PPP1R42: variants seen among roughly 807,000 people sequenced by gnomAD.
The protein encoded by PPP1R42 is protein phosphatase 1 regulatory subunit 42, also known as leucine rich repeat containing 67.
A neutral mutation model predicts 31.0 loss-of-function variants in PPP1R42; 34 were observed. The observed-to-expected ratio is 1.10, with a 90% CI of 0.83 to 1.46. The LOEUF is 1.46. PPP1R42 is among the 40% of genes most tolerant of loss of function. The probability of loss-of-function intolerance (pLI) is 0.00; values close to 1 mark genes in which losing one functional copy is unlikely to be tolerated. For missense variants in PPP1R42, 268 were observed against 303.0 expected (o/e 0.88, Z 0.86); for synonymous variants, 103 against 109.8 (o/e 0.94, Z 0.39).
At chr8:67,000,311 C>T (rs1406067001) in intron 5 of PPP1R42, among the ~76,000 whole-genome samples, 1 of 151,984 alleles carries the variant, frequency 6.6e-6, no homozygotes, top group East Asian at 1.9e-4. Flanking sequence ...CTACTATAAG[C>T]ATTCAAAGCT....
chr8:66,996,371 A>G (rs902893963), intron 5 of PPP1R42, among the ~76,000 whole-genome samples: 7 of 152,200 alleles, frequency 4.6e-5, no homozygotes, highest in African/African-American at 1.7e-4. Flanking sequence ...TGACTATATT[A>G]TTAAGCTCAA....
At chr8:66,978,642 T>A (rs918550938) in intron 7 of PPP1R42, among the ~76,000 whole-genome samples, 9 of 152,144 alleles carry the variant, frequency 5.9e-5, no homozygotes, top group Non-Finnish European at 1.3e-4. Context: ...GTTCCTGAAC[T>A]CCTGACTTCA....
At chr8:67,008,218 T>TC (rs1815743164) in intron 5 of PPP1R42, among the ~76,000 whole-genome samples, 1 of 152,180 alleles carries the variant, frequency 6.6e-6, no homozygotes, top group African/African-American at 2.4e-5. Flanking sequence ...TTAAACTTTA[T>TC]CATAGATATG....
chr8:67,000,839 T>C (rs1279687131), intron 5 of PPP1R42, among the ~76,000 whole-genome samples: 1 of 152,240 alleles, frequency 6.6e-6, no homozygotes, highest in East Asian at 1.9e-4. Context: ...GTTATACCTA[T>C]CTTTTATATC....
At chr8:67,023,039 G>A (rs1816271899) in intron 1 of PPP1R42, among the ~76,000 whole-genome samples, 1 of 147,662 alleles carries the variant, frequency 6.8e-6, no homozygotes, top group Admixed American at 6.7e-5. Flanking sequence ...CATTTTGGTA[G>A]TGCTAATTTA....
intron 7 of PPP1R42, among the ~76,000 whole-genome samples, chr8:66,976,459 G>A (rs1265996109): frequency 6.6e-6 from 1 of 152,180 alleles, no homozygotes; most frequent in South Asian, 2.1e-4. Flanking sequence ...GTTGGGGACA[G>A]CTGCTATAGA....
chr8:67,016,999 A>G (rs1465305839), intron 2 of PPP1R42, among the ~76,000 whole-genome samples: 1 of 152,174 alleles, frequency 6.6e-6, no homozygotes, highest in African/African-American at 2.4e-5. Context: ...TTATTTCCCA[A>G]CATACACTTT....
rs759678003 is a variant in PPP1R42 at position 67,013,012 on chromosome 8, C to A, written c.381G>T (p.Arg127Ser). 2.5e-6 allele frequency: 4 copies of A among 1,612,298 alleles called. No homozygotes were observed. Among genetic ancestry groups the A allele is most frequent in the Non-Finnish European group, 3.4e-6 (4 of 1,179,258 alleles). The change falls in exon 4 of 8, where the codon AGG becomes AGT. Residue 127 changes from arginine to serine, a missense_variant. Arg to Ser is a moderately radical substitution (Grantham distance 110). Transcript: ENST00000685739. ...ELRELHVENQ[R>S]LPLGEKLLFD... ...ACAGAAGCTTTTCCCCAAGGGGAAG[C>A]CTCTGATTCTCAACATGAAGCTCTC...
intron 6 of PPP1R42, chr8:66,985,440 G>A (rs922650629): frequency 1.2e-6 from 1 of 809,246 alleles, no homozygotes; most frequent in Non-Finnish European, 2.1e-6. Context: ...CATCTACAAT[G>A]CACCCTTGCT....
At chr8:66,985,466 G>A (rs985426444) in intron 6 of PPP1R42, 3 of 913,878 alleles carry the variant, frequency 3.3e-6, no homozygotes, top group South Asian at 2.8e-5. Context: ...AGGATCAGTG[G>A]TGTAGGTTTA....
chr8:67,024,848 T>C (rs563014096), intron 1 of PPP1R42, among the ~76,000 whole-genome samples: 2 of 152,188 alleles, frequency 1.3e-5, no homozygotes, highest in South Asian at 2.1e-4. Context: ...AATGTTAAAT[T>C]TTTTTGCATT....
At chr8:66,966,416 C>T (rs886919860) in intron 7 of PPP1R42, among the ~76,000 whole-genome samples, 1 of 152,200 alleles carries the variant, frequency 6.6e-6, no homozygotes, top group Non-Finnish European at 1.5e-5. Flanking sequence ...TCTGATTGTA[C>T]CTCTTCAAGC....
chr8:67,003,097 C>T (rs1462230442), intron 5 of PPP1R42, among the ~76,000 whole-genome samples: 2 of 140,618 alleles, frequency 1.4e-5, no homozygotes, highest in South Asian at 2.2e-4. Context: ...ACCCCGGAGG[C>T]GGAGGTTGCA....
At chr8:66,964,584 C>T (rs1292114874) in intron 7 of PPP1R42, among the ~76,000 whole-genome samples, 3 of 151,950 alleles carry the variant, frequency 2.0e-5, no homozygotes, top group South Asian at 4.1e-4. Flanking sequence ...GGAAGGTGGA[C>T]CAGGTCTAAG....
At chr8:67,006,636 G>A (rs1052371799) in intron 5 of PPP1R42, among the ~76,000 whole-genome samples, 5 of 143,612 alleles carry the variant, frequency 3.5e-5, no homozygotes, top group South Asian at 2.3e-4. Context: ...CCCAAAGTGC[G>A]GTGATTACAG....
At chr8:67,025,751 T>A (rs1816374678) in intron 1 of PPP1R42, among the ~76,000 whole-genome samples, 1 of 151,846 alleles carries the variant, frequency 6.6e-6, no homozygotes, top group Admixed American at 6.6e-5. Context: ...ATGCCTGTAA[T>A]CCCAGCACTT....
chr8:66,965,719 G>A (rs1449289675), intron 7 of PPP1R42, among the ~76,000 whole-genome samples: 1 of 152,132 alleles, frequency 6.6e-6, no homozygotes, highest in Non-Finnish European at 1.5e-5. Context: ...ATAAGAGTTT[G>A]AGACCAGCCT....
At position 66,983,211 on chromosome 8, in the gene PPP1R42, A is replaced by G. The variant is rs369333718; in HGVS notation, c.671-1031T>C. On this transcript the variant is annotated intron_variant, in intron 6 of 7. Coordinates refer to ENST00000685739, the MANE Select transcript of PPP1R42 (RefSeq NM_001364910.1). Reference sequence around the variant, plus strand: ...TTCTTAGCATGTTTTTATTTTCTATATATGTATATAAAATTGGAATCCTCT... The same window carrying G: ...TTCTTAGCATGTTTTTATTTTCTATGTATGTATATAAAATTGGAATCCTCT... Among the ~76,000 whole-genome samples the G allele has an allele frequency of 2.1e-4, 32 of 152,266 alleles. No individual in the cohort carries two copies. The East Asian group carries it at 4.6e-3, about 22-fold the overall frequency.
At chr8:67,003,791 TAA>T (rs1815583346) in intron 5 of PPP1R42, among the ~76,000 whole-genome samples, 1 of 152,156 alleles carries the variant, frequency 6.6e-6, no homozygotes, top group Non-Finnish European at 1.5e-5. Flanking sequence ...GCAGTAGTAT[TAA>T]GAGATAGGCC....
Sources: gnomAD v4.1 joint callset for allele counts (sites outside exome capture counted in the v4.1 genomes callset) on GRCh38, gnomAD v4.1.1 for gene constraint, MANE v1.5 for transcripts, NCBI Gene and HGNC (gene_info 2026-07-23, HGNC 2026-07-21) for gene names.